The following ULK4 variants were observed in gnomAD, a reference collection of about 807,000 sequenced individuals.
ULK4 encodes the protein unc-51 like kinase 4, also known as inactive serine/threonine-protein kinase ULK4.
In ULK4, 133 loss-of-function variants were observed where a neutral mutation model predicts 160.6. The ratio of observed to expected loss-of-function variants is 0.83; its 90% CI spans 0.72 to 0.96. ULK4 has a LOEUF of 0.96. ULK4 is among the 40% of genes least tolerant of loss of function. The pLI is 0.00. For synonymous variants in ULK4, 534 were observed against 539.8 expected (o/e 0.99, Z 0.15); for missense variants, 1,580 against 1,499.5 (o/e 1.05, Z -0.89).
intron 35 of ULK4, among the ~76,000 whole-genome samples, chr3:41,324,361 T>C (rs1375866151): frequency 2.6e-5 from 4 of 152,226 alleles, no homozygotes; most frequent in African/African-American, 9.7e-5. Flanking sequence ...TTTATCCAAT[T>C]CACTGCATTT....
chr3:41,849,506 T>C (rs1182824596), intron 17 of ULK4, among the ~76,000 whole-genome samples: 1 of 152,078 alleles, frequency 6.6e-6, no homozygotes, highest in East Asian at 1.9e-4. Context: ...AAATAAAAAA[T>C]AGGCAGAGCA....
intron 34 of ULK4, among the ~76,000 whole-genome samples, chr3:41,422,679 T>C (rs1029859358): frequency 6.6e-6 from 1 of 152,156 alleles, no homozygotes. Context: ...TTTTAAAGAC[T>C]CAGAAAATGT....
rs538639729 is a variant in ULK4 at position 41,843,098 on chromosome 3, G to A, written c.1657-7127C>T. 3.9e-5 allele frequency among the ~76,000 whole-genome samples: 6 copies of A among 152,066 alleles called. 1 individual carries two copies. Among genetic ancestry groups the A allele is most frequent in the Admixed American group, 6.5e-5 (1 of 15,276 alleles). ...CTTCTAGAAGAAAATATAGGATAAC[G>A]TCTTCAGGATCTAGTACTAGGTTAA... On this transcript the variant is annotated intron_variant, in intron 17 of 36. Coordinates refer to ENST00000301831, the MANE Select transcript of ULK4 (RefSeq NM_017886.4).
intron 17 of ULK4, among the ~76,000 whole-genome samples, chr3:41,841,030 T>C (rs1412619082): frequency 2.5e-4 from 30 of 117,842 alleles, no homozygotes; most frequent in Non-Finnish European, 2.8e-4. Flanking sequence ...GGCCGCCCCG[T>C]CTGGGAAGTG....
intron 32 of ULK4, among the ~76,000 whole-genome samples, chr3:41,538,042 G>C (rs190106201): frequency 1.3e-4 from 20 of 151,996 alleles, no homozygotes; most frequent in Non-Finnish European, 2.9e-4. Flanking sequence ...CCGCCTCTTG[G>C]TCAGCAGTTC....
intron 21 of ULK4, among the ~76,000 whole-genome samples, chr3:41,782,055 T>G (rs920951948): frequency 3.9e-5 from 6 of 152,224 alleles, no homozygotes; most frequent in African/African-American, 1.2e-4. Flanking sequence ...TTGAAACTTT[T>G]TATTGAACAC....
At chr3:41,699,288 T>C (rs1417425246) in intron 27 of ULK4, among the ~76,000 whole-genome samples, 2 of 152,212 alleles carry the variant, frequency 1.3e-5, no homozygotes, top group African/African-American at 4.8e-5. Context: ...GGTTTAAAGC[T>C]AGATTATTCA....
At chr3:41,656,890 ATTTG>A (rs2034953006) in intron 30 of ULK4, among the ~76,000 whole-genome samples, 2 of 152,230 alleles carry the variant, frequency 1.3e-5, no homozygotes, top group Admixed American at 6.5e-5. Flanking sequence ...TTAAAATGTA[ATTTG>A]TTTGCTGAGG....
chr3:41,290,432 CT>C (rs1281460885), intron 35 of ULK4, among the ~76,000 whole-genome samples: 2 of 152,298 alleles, frequency 1.3e-5, no homozygotes, highest in East Asian at 3.9e-4. Context: ...GTAGGAGGAG[CT>C]GGAATTTGAA....
intron 35 of ULK4, among the ~76,000 whole-genome samples, chr3:41,293,232 A>C (rs2079606993): frequency 6.6e-6 from 1 of 152,200 alleles, no homozygotes; most frequent in Non-Finnish European, 1.5e-5. Flanking sequence ...TTCACAGAAA[A>C]ACAATGATGG....
chr3:41,503,127 A>G (rs539967140), intron 32 of ULK4, among the ~76,000 whole-genome samples: 1 of 152,364 alleles, frequency 6.6e-6, no homozygotes, highest in Admixed American at 6.5e-5. Context: ...AGGTCAGAGA[A>G]CATATAGACC....
At chr3:41,481,826 C>CAA (rs71616009) in intron 32 of ULK4, among the ~76,000 whole-genome samples, 1,300 of 66,466 alleles carry the variant, frequency 0.02, 33 homozygotes, top group African/African-American at 0.051. Context: ...GACTCCGTCT[C>CAA]AAAAAAAAAA....
intron 21 of ULK4, among the ~76,000 whole-genome samples, chr3:41,777,897 G>A (rs2039689459): frequency 7.0e-6 from 1 of 142,424 alleles, no homozygotes; most frequent in African/African-American, 2.7e-5. Flanking sequence ...GCAAAAACTG[G>A]AAGCATTCCC....
At chr3:41,310,681 G>A (rs2080031466) in intron 35 of ULK4, among the ~76,000 whole-genome samples, 1 of 152,186 alleles carries the variant, frequency 6.6e-6, no homozygotes, top group African/African-American at 2.4e-5. Flanking sequence ...CTGAAAGTAA[G>A]AGGATGGAAA....
chr3:41,293,090 CCAGA>C (rs2079603073), intron 35 of ULK4, among the ~76,000 whole-genome samples: 1 of 151,988 alleles, frequency 6.6e-6, no homozygotes. Flanking sequence ...TCACTGCACT[CCAGA>C]CAGAGAGAGG....
chr3:41,758,217 A>G (rs1363290164), intron 21 of ULK4, among the ~76,000 whole-genome samples: 6 of 152,210 alleles, frequency 3.9e-5, no homozygotes, highest in Non-Finnish European at 8.8e-5. Context: ...CCCAGCCTCC[A>G]GAACAGTGAG....
chr3:41,355,004 G>A (rs949762452), intron 35 of ULK4, among the ~76,000 whole-genome samples: 3 of 152,124 alleles, frequency 2.0e-5, no homozygotes, highest in Non-Finnish European at 4.4e-5. Flanking sequence ...AATTCTAAAG[G>A]AGTTGCTCTC....
At chr3:41,525,462 TGCAGCCACAG>T (rs2086080723) in intron 32 of ULK4, among the ~76,000 whole-genome samples, 1 of 152,218 alleles carries the variant, frequency 6.6e-6, no homozygotes, top group Non-Finnish European at 1.5e-5. Context: ...CGTCTTCTGG[TGCAGCCACAG>T]GGAGCCACAG....
chr3:41,925,746 G>C (rs1158381795), intron 5 of ULK4, among the ~76,000 whole-genome samples: 2 of 152,120 alleles, frequency 1.3e-5, no homozygotes, highest in Non-Finnish European at 2.9e-5. Flanking sequence ...GCTGAGGCTT[G>C]AGTAGGCGGT....
Sources: gnomAD v4.1 joint callset for allele counts (sites outside exome capture counted in the v4.1 genomes callset) on GRCh38, gnomAD v4.1.1 for gene constraint, MANE v1.5 for transcripts, NCBI Gene and HGNC (gene_info 2026-07-23, HGNC 2026-07-21) for gene names.